The following STARD9 variants were observed in gnomAD, a reference collection of about 807,000 sequenced individuals.
STARD9 encodes the protein stAR-related lipid transfer protein 9.
A neutral mutation model predicts 399.8 loss-of-function variants in STARD9; 346 were observed. That is an observed-to-expected ratio of 0.87 (90% CI 0.79 to 0.95). The LOEUF (loss-of-function observed/expected upper bound fraction) is 0.95, where lower values mean the gene tolerates loss of function less well. Ranked by LOEUF, STARD9 falls within the 40% of genes least tolerant of loss-of-function variation. STARD9 has a pLI of 0.00. For synonymous variants in STARD9, 2,203 were observed against 2,143.5 expected, an observed-to-expected ratio of 1.03 and a Z score of -0.77; for missense variants, 5,832 against 5,667.5, an observed-to-expected ratio of 1.03 and a Z score of -0.93.
chr15:42,585,310 T>C (rs2058253264), intron 2 of STARD9, among the ~76,000 whole-genome samples: 1 of 152,236 alleles, frequency 6.6e-6, no homozygotes, highest in Admixed American at 6.5e-5. Flanking sequence ...GGCAGATATA[T>C]GATAGAATGA....
chr15:42,665,422 C>A, intron 14 of STARD9, 92 bp downstream of exon 14: 1 of 1,007,502 alleles, frequency 9.9e-7, no homozygotes, highest in Non-Finnish European at 1.5e-6. Flanking sequence ...CTGCTGCATT[C>A]TATGTTCTCA....
intron 26 of STARD9, among the ~76,000 whole-genome samples, chr15:42,696,170 C>G (rs1463243841): frequency 6.6e-6 from 1 of 152,244 alleles, no homozygotes; most frequent in African/African-American, 2.4e-5. Flanking sequence ...TATTAAACAA[C>G]TGATTTTATT....
chr15:42,714,742 T>C (rs897793245), intron 26 of STARD9, among the ~76,000 whole-genome samples: 1 of 152,334 alleles, frequency 6.6e-6, no homozygotes, highest in South Asian at 2.1e-4. Flanking sequence ...TTTTGAATTA[T>C]ATTTTCTTGT....
At position 42,691,370 on chromosome 15, in the gene STARD9, A is replaced by G. The variant is rs1566945955; in HGVS notation, c.9792A>G (p.Ser3264=). 2.0e-6 allele frequency: 3 copies of G among 1,537,218 alleles called. No homozygotes were observed. The highest frequency in any genetic ancestry group is 2.6e-6 in the Non-Finnish European group (3 of 1,146,884). ...VAKPPVSKIL[S]QGFKDPATVS... Reference sequence around the variant, plus strand: ...AGCCTCCTGTGTCCAAGATTTTATCACAGGGCTTCAAAGACCCAGCCACTG... The same window carrying G: ...AGCCTCCTGTGTCCAAGATTTTATCGCAGGGCTTCAAAGACCCAGCCACTG... The change falls in exon 23 of 33, where the codon TCA becomes TCG. Residue 3264 remains serine, a synonymous_variant. Transcript: ENST00000290607.
intron 18 of STARD9, 120 bp from the exon 19 acceptor site, chr15:42,675,544 C>T: frequency 2.8e-6 from 2 of 716,870 alleles, no homozygotes; most frequent in Admixed American, 2.4e-5. Flanking sequence ...ATCTTATCAA[C>T]TCAGCAAAAT....
chr15:42,632,226 A>T (rs2059346039), intron 3 of STARD9, among the ~76,000 whole-genome samples: 1 of 152,160 alleles, frequency 6.6e-6, no homozygotes. Flanking sequence ...TTGTCTTGAA[A>T]TCTATTTTTT....
rs1220894784 is a variant in STARD9, at chr15:42,689,386, C to G, written c.7808C>G (p.Ser2603Ter). Residue 2603 changes from serine (S) to a stop codon, truncating the protein, a stop_gained, in exon 23 of 33, where the codon TCA becomes TGA. Transcript: ENST00000290607. LOFTEE classifies it high-confidence loss of function. ...CAGTGTAAACAAATAGACCAGTCAT[C>G]ATCAGACCAGACCAGGAATGAGGGT... Reference protein sequence around the residue: ...RPQCKQIDQSSSDQTRNEGEA... With the variant: ...RPQCKQIDQS 2.6e-6 allele frequency: 4 copies of G among 1,537,266 alleles called. No individual in the cohort carries two copies. The highest frequency in any genetic ancestry group is 1.4e-5 in the African/African-American group (1 of 73,046).
Position 42,693,873 on chromosome 15 carries a change from C to T in STARD9, c.12295C>T (p.Leu4099Phe). ...PVSELTDTAG[L>F]RGSALGLPQA... ...CTCTGAGTTGACTGATACTGCAGGG[C>T]TCCGAGGTTCTGCCTTGGGCCTCCC... Residue 4099 changes from leucine (L) to phenylalanine (F), a missense_variant, in exon 23 of 33, where the codon CTC becomes TTC. By Grantham distance (22) the Leu-to-Phe change is conservative. Transcript: ENST00000290607. 6.5e-7 allele frequency: 1 copy of T among 1,534,800 alleles called. No individual in the cohort carries two copies. The highest frequency in any genetic ancestry group is 8.7e-7 in the Non-Finnish European group (1 of 1,145,284).
At chr15:42,613,905 C>T (rs1311502679) in intron 3 of STARD9, among the ~76,000 whole-genome samples, 9 of 151,732 alleles carry the variant, frequency 5.9e-5, no homozygotes, top group Admixed American at 3.3e-4. Flanking sequence ...ACAGAGGCTG[C>T]GGTGAGCCGA....
rs150370280 is a variant in STARD9 at position 42,700,993 on chromosome 15, A to G, written c.13284+5113A>G. Among the ~76,000 whole-genome samples the G allele has an allele frequency of 4.9e-3, 747 of 152,286 alleles. 15 individuals carry two copies. The highest frequency in any genetic ancestry group is 0.017 in the African/African-American group (709 of 41,560). ...CTGTATGTGGATATCCAGTTTTCTC[A>G]GCATCATTTATCACAGAGATTGTGC... is the stretch of plus-strand genomic sequence containing the variant. On this transcript the variant is annotated intron_variant, in intron 26 of 32. Coordinates refer to ENST00000290607, the MANE Select transcript of STARD9 (RefSeq NM_020759.3).
chr15:42,670,994 A>G (rs990545558), intron 16 of STARD9: 5 of 152,240 alleles, frequency 3.3e-5, no homozygotes, highest in African/African-American at 1.2e-4. Context: ...GATTGGATGT[A>G]GAGTGAATAG....
intron 3 of STARD9, among the ~76,000 whole-genome samples, chr15:42,631,580 C>CAA (rs754132188): frequency 2.2e-5 from 3 of 133,516 alleles, no homozygotes; most frequent in African/African-American, 8.3e-5. Context: ...ATTCCGTCTC[C>CAA]AAAAAAAAAA....
Position 42,681,410 on chromosome 15 carries a change from C to T in STARD9, c.1875-12C>T, listed in dbSNP as rs531389008. ...ATTTCCCCTTGGGTAACCTCAGCCG[C>T]TTCTGTGACAGGAGAGCGCTTGAAG... On this transcript the variant is annotated splice_polypyrimidine_tract_variant and intron_variant, in intron 20 of 32. Coordinates refer to ENST00000290607, the MANE Select transcript of STARD9 (RefSeq NM_020759.3). 2.5e-5 allele frequency: 38 copies of T among 1,534,014 alleles called. No individual in the cohort carries two copies. The South Asian group carries it at 4.0e-4, about 16-fold the overall frequency.
At position 42,706,453 on chromosome 15, in the gene STARD9, A is replaced by AT. The variant is rs1208800295; in HGVS notation, c.13285-10209dup. 3.8e-3 allele frequency among the ~76,000 whole-genome samples: 543 copies of AT among 141,290 alleles called. 9 individuals are homozygous for AT. Among genetic ancestry groups the AT allele is most frequent in the South Asian group, 0.038 (170 of 4,486 alleles). The allele number at this position is 141,290 out of a possible 152,430, so 92.7% of individuals were successfully genotyped here. A position where few individuals can be genotyped will look rare whatever the true frequency, so the allele number is the denominator to read the frequency against. ...GCTGCTAATACATGTACCTATCTTA[A>AT]TTTTTTTTTTTTTTTGAGACAGTGT... On this transcript the variant is annotated intron_variant, in intron 26 of 32. Transcript: ENST00000290607.
intron 14 of STARD9, among the ~76,000 whole-genome samples, 179 bp from the exon 15 acceptor site, chr15:42,665,607 T>G (rs1318138536): frequency 6.6e-6 from 1 of 152,244 alleles, no homozygotes; most frequent in Non-Finnish European, 1.5e-5. Flanking sequence ...CAGGAAAATT[T>G]CTTTGTATTT....
rs147330525 is a variant in STARD9, at chr15:42,707,509, G to A, written c.13285-9168G>A. Among the ~76,000 whole-genome samples the A allele has an allele frequency of 5.5e-3, 790 of 143,224 alleles. 6 individuals are homozygous for A. Among genetic ancestry groups the A allele is most frequent in the African/African-American group, 0.019 (714 of 38,070 alleles). 94.0% of individuals were successfully genotyped at this position (143,224 alleles called of 152,430 possible). On this transcript the variant is annotated intron_variant, in intron 26 of 32. Transcript: ENST00000290607. Reference sequence around the variant, plus strand: ...TTTTGAGACAGAGTCTTGCTGTGTCGCCAAGGCTGGAGTGCAGTGGCACGA... The same window carrying A: ...TTTTGAGACAGAGTCTTGCTGTGTCACCAAGGCTGGAGTGCAGTGGCACGA...
intron 3 of STARD9, among the ~76,000 whole-genome samples, chr15:42,630,964 G>A (rs1439353431): frequency 6.8e-6 from 1 of 146,058 alleles, no homozygotes; most frequent in Non-Finnish European, 1.5e-5. Context: ...TGTTTGATTC[G>A]CTCTTACTTT....
chr15:42,712,096 T>A (rs796383009), intron 26 of STARD9, among the ~76,000 whole-genome samples: 25 of 504 alleles, frequency 0.05, no homozygotes, highest in South Asian at 0.25. Flanking sequence ...TATATATATA[T>A]AATATATAAT....
intron 1 of STARD9, among the ~76,000 whole-genome samples, chr15:42,582,836 A>G (rs893894887): frequency 6.6e-6 from 1 of 152,118 alleles, no homozygotes; most frequent in African/African-American, 2.4e-5. Flanking sequence ...TTGGGATTGT[A>G]TGTGTGAGCC....
Sources: allele counts gnomAD v4.1 joint callset (sites outside exome capture counted in the v4.1 genomes callset), GRCh38; gene constraint gnomAD v4.1.1; transcripts MANE v1.5; gene names NCBI Gene and HGNC (gene_info 2026-07-23, HGNC 2026-07-21).